Variants in TYW1B observed in about 807,000 individuals in gnomAD.
The protein encoded by TYW1B is tRNA-yW synthesizing protein 1 homolog B.
In TYW1B, 73 loss-of-function variants were observed where a neutral mutation model predicts 86.9. The observed-to-expected ratio is 0.84, with a 90% CI of 0.70 to 1.02. The LOEUF is 1.02. TYW1B is among the 50% of genes least tolerant of loss of function. TYW1B has a pLI of 0.00. For missense variants in TYW1B, 637 were observed against 827.4 expected (o/e 0.77, Z 2.82); for synonymous variants, 248 against 292.8 (o/e 0.85, Z 1.56).
intron 13 of TYW1B, among the ~76,000 whole-genome samples, chr7:72,587,600 CAA>C (rs1554430709): frequency 6.6e-6 from 1 of 152,088 alleles, no homozygotes; most frequent in East Asian, 1.9e-4. Context: ...GCTGATCCAT[CAA>C]GTGCAAGGTC....
At chr7:72,757,122 C>CT (rs1787604331) in intron 7 of TYW1B, among the ~76,000 whole-genome samples, 1 of 152,088 alleles carries the variant, frequency 6.6e-6, no homozygotes, top group Non-Finnish European at 1.5e-5. Context: ...AATCCTAGCA[C>CT]TTTGGGAGGT....
chr7:72,690,162 G>T (rs562422178), intron 11 of TYW1B, among the ~76,000 whole-genome samples: 13 of 152,308 alleles, frequency 8.5e-5, no homozygotes, highest in African/African-American at 1.2e-4. Context: ...ACAGAGAAAA[G>T]AATTAAATAG....
At chr7:72,670,755 G>A (rs1211884003) in intron 11 of TYW1B, among the ~76,000 whole-genome samples, 2 of 152,184 alleles carry the variant, frequency 1.3e-5, no homozygotes, top group African/African-American at 4.8e-5. Flanking sequence ...AATAAATGGA[G>A]TATGAAAGGA....
At chr7:72,591,076 G>C (rs1296346683) in intron 13 of TYW1B, among the ~76,000 whole-genome samples, 1 of 151,910 alleles carries the variant, frequency 6.6e-6, no homozygotes, top group African/African-American at 2.4e-5. Context: ...AGAATTCAAA[G>C]GCATATTTCT....
intron 10 of TYW1B, among the ~76,000 whole-genome samples, chr7:72,699,609 T>G (rs1425792884): frequency 6.6e-6 from 1 of 152,154 alleles, no homozygotes; most frequent in Admixed American, 6.6e-5. Context: ...TACCTCAAAG[T>G]AGAATCTGAC....
chr7:72,674,400 G>A (rs1186187782), intron 11 of TYW1B, among the ~76,000 whole-genome samples: 1 of 152,162 alleles, frequency 6.6e-6, no homozygotes, highest in African/African-American at 2.4e-5. Context: ...AAGCACCACA[G>A]AGATGAGAAA....
At chr7:72,593,615 G>A (rs1274343810) in intron 13 of TYW1B, among the ~76,000 whole-genome samples, 1 of 152,012 alleles carries the variant, frequency 6.6e-6, no homozygotes, top group Non-Finnish European at 1.5e-5. Flanking sequence ...AAGGTCAGGA[G>A]ATCGAGACCA....
At chr7:72,653,295 C>T (rs1813108211) in intron 11 of TYW1B, among the ~76,000 whole-genome samples, 1 of 152,086 alleles carries the variant, frequency 6.6e-6, no homozygotes, top group Non-Finnish European at 1.5e-5. Context: ...GGAGAGAAGA[C>T]ACAAATTACC....
At position 72,828,143 on chromosome 7, in the gene TYW1B, C is replaced by A. The variant is rs372565220; in HGVS notation, c.-68G>T. 119 of 1,604,692 alleles carry A rather than the reference C, an allele frequency of 7.4e-5. No homozygotes were observed. The Middle Eastern group carries it at 9.9e-4, about 13-fold the overall frequency. On this transcript the variant is annotated 5_prime_UTR_variant, in exon 1 of 14. Transcript: ENST00000620995. ...AGCCCAAAGGTTCGCACTGGTACTG[C>A]GAGACGCACCGAGCTACCTCGCGGC...
Position 72,743,901 on chromosome 7 carries a change from A to G in TYW1B, c.1082+583T>C, listed in dbSNP as rs533434697. 5.9e-5 allele frequency among the ~76,000 whole-genome samples: 9 copies of G among 151,920 alleles called. No homozygotes were observed. The East Asian group carries it at 1.7e-3, about 29-fold the overall frequency. On this transcript the variant is annotated intron_variant, in intron 8 of 13. Transcript: ENST00000620995. ...AAATGGGTTAGTAGCAAGCACCACCACCCCCAAAAAGAGAGAGGCAGAATT... is the reference window on the plus strand; with the variant it reads ...AAATGGGTTAGTAGCAAGCACCACCGCCCCCAAAAAGAGAGAGGCAGAATT...
intron 13 of TYW1B, among the ~76,000 whole-genome samples, chr7:72,589,060 G>A (rs1181701840): frequency 1.1e-4 from 16 of 152,126 alleles, no homozygotes; most frequent in African/African-American, 2.4e-4. Flanking sequence ...TGATCCACCC[G>A]CCTCAGCCTC....
chr7:72,700,995 C>T (rs1404396371), intron 10 of TYW1B, among the ~76,000 whole-genome samples: 4 of 150,954 alleles, frequency 2.6e-5, no homozygotes, highest in African/African-American at 9.8e-5. Context: ...ATCGGGGAGG[C>T]GGAGGTTGCA....
chr7:72,703,998 T>G lies in TYW1B; in HGVS notation c.1371-9176A>C, dbSNP rs188447295. Among the ~76,000 whole-genome samples the G allele has an allele frequency of 8.1e-4, 123 of 152,340 alleles. 1 individual carries two copies. The highest frequency in any genetic ancestry group is 2.8e-3 in the African/African-American group (117 of 41,588). ...CAATACTCTACTAATTTTATCAGTT[T>G]GAGAGAAATCAATTAAAAATCTACT... is the stretch of plus-strand genomic sequence containing the variant. On this transcript the variant is annotated intron_variant, in intron 10 of 13. Transcript: ENST00000620995.
intron 13 of TYW1B, among the ~76,000 whole-genome samples, chr7:72,605,520 AT>A (rs1811772897): frequency 6.6e-6 from 1 of 151,928 alleles, no homozygotes; most frequent in South Asian, 2.1e-4. Flanking sequence ...CGCCTGGCTA[AT>A]TTTTGTATTT....
At chr7:72,812,162 A>G (rs1788633938) in intron 3 of TYW1B, among the ~76,000 whole-genome samples, 1 of 150,442 alleles carries the variant, frequency 6.6e-6, no homozygotes. Flanking sequence ...AAATCTGCAT[A>G]TACATAATGA....
chr7:72,703,021 TATA>T (rs1322900462), intron 10 of TYW1B, among the ~76,000 whole-genome samples: 211 of 12,224 alleles, frequency 0.017, 2 homozygotes, highest in African/African-American at 0.025. Flanking sequence ...TATATATATA[TATA>T]TATTTTTTTT....
intron 13 of TYW1B, among the ~76,000 whole-genome samples, chr7:72,603,978 G>A (rs1811737800): frequency 6.6e-6 from 1 of 152,056 alleles, no homozygotes; most frequent in Non-Finnish European, 1.5e-5. Flanking sequence ...AAAACCTAAG[G>A]AAATCTAAAT....
chr7:72,620,379 A>C (rs188327791), intron 12 of TYW1B, among the ~76,000 whole-genome samples: 4 of 152,348 alleles, frequency 2.6e-5, no homozygotes, highest in Admixed American at 6.5e-5. Flanking sequence ...CCTGGGCAAC[A>C]GAGCAAGACT....
chr7:72,755,993 C>T (rs1787579966), intron 7 of TYW1B, among the ~76,000 whole-genome samples: 1 of 151,976 alleles, frequency 6.6e-6, no homozygotes, highest in South Asian at 2.1e-4. Flanking sequence ...CCTGCAAAGC[C>T]CAAGAGGGCA....
Sources: allele counts gnomAD v4.1 joint callset (sites outside exome capture counted in the v4.1 genomes callset), GRCh38; gene constraint gnomAD v4.1.1; transcripts MANE v1.5; gene names NCBI Gene and HGNC (gene_info 2026-07-23, HGNC 2026-07-21).